CTNNA3: variants seen among roughly 807,000 people sequenced by gnomAD.
CTNNA3 encodes the protein catenin alpha-3.
A neutral mutation model predicts 95.7 loss-of-function variants in CTNNA3; 76 were observed. The observed-to-expected ratio is 0.79, with a 90% CI of 0.66 to 0.96. CTNNA3 has a LOEUF of 0.96. CTNNA3 is among the 40% of genes least tolerant of loss of function. The pLI, the probability that CTNNA3 is intolerant of heterozygous loss-of-function variation, is 0.00. For missense variants in CTNNA3, 1,191 were observed against 1,089.8 expected, an observed-to-expected ratio of 1.09 and a Z score of -1.31; for synonymous variants, 431 against 374.4, an observed-to-expected ratio of 1.15 and a Z score of -1.74.
intron 7 of CTNNA3, among the ~76,000 whole-genome samples, chr10:67,117,166 A>G (rs987638819): frequency 2.0e-5 from 3 of 151,856 alleles, no homozygotes; most frequent in Non-Finnish European, 4.4e-5. Context: ...ACCTTCAGCA[A>G]TGTCAGCTCA....
At chr10:67,564,670 T>TCTGA (rs1488614194) in intron 3 of CTNNA3, among the ~76,000 whole-genome samples, 1 of 84,276 alleles carries the variant, frequency 1.2e-5, no homozygotes, top group African/African-American at 6.0e-5. Flanking sequence ...TATATGTGTG[T>TCTGA]GTGTGTGTAT....
intron 3 of CTNNA3, among the ~76,000 whole-genome samples, chr10:67,541,024 C>A (rs1421776847): frequency 6.6e-6 from 1 of 151,760 alleles, no homozygotes; most frequent in Non-Finnish European, 1.5e-5. Flanking sequence ...AGTTATATTT[C>A]ATTGATACAC....
rs143511637 is a variant in CTNNA3 at position 66,012,844 on chromosome 10, C to T, written c.2160-24047G>A. Among the ~76,000 whole-genome samples the T allele has an allele frequency of 3.3e-5, 5 of 152,258 alleles. No homozygotes were observed. The East Asian group carries it at 9.7e-4, about 29-fold the overall frequency. ...CTATCAGCTATTTCTTTAAATTCAACAAAAATCTGCTGAATTCCTCAAATT... is the reference window on the plus strand; with the variant it reads ...CTATCAGCTATTTCTTTAAATTCAATAAAAATCTGCTGAATTCCTCAAATT... On this transcript the variant is annotated intron_variant, in intron 15 of 17. Coordinates refer to ENST00000433211, the MANE Select transcript of CTNNA3 (RefSeq NM_013266.4).
chr10:67,411,858 C>G (rs1327840808), intron 5 of CTNNA3, among the ~76,000 whole-genome samples: 1 of 152,050 alleles, frequency 6.6e-6, no homozygotes, highest in Non-Finnish European at 1.5e-5. Flanking sequence ...ATATTTCTGT[C>G]TTGCATTTAA....
rs542483264 is a variant in CTNNA3, at chr10:66,642,593, T to C, written c.1282-20809A>G. ...GTTTACCAGAGCTTTACTATTCCCT[T>C]GGCTAGAAATATTTCCAAACAAGGT... On this transcript the variant is annotated intron_variant, in intron 9 of 17. Transcript: ENST00000433211. Among the ~76,000 whole-genome samples the C allele has an allele frequency of 2.6e-5, 4 of 152,248 alleles. No individual in the cohort carries two copies. The South Asian group carries it at 8.3e-4, about 32-fold the overall frequency.
intron 11 of CTNNA3, among the ~76,000 whole-genome samples, chr10:66,480,866 G>A (rs952135995): frequency 1.3e-5 from 2 of 152,082 alleles, no homozygotes; most frequent in African/African-American, 4.8e-5. Flanking sequence ...GCCTCCCAAA[G>A]TGCTGGGATT....
Position 66,832,250 on chromosome 10 carries a change from T to C in CTNNA3, c.1048-56726A>G, listed in dbSNP as rs552428147. Among the ~76,000 whole-genome samples, 24 of 152,332 alleles carry C rather than the reference T, an allele frequency of 1.6e-4. No homozygotes were observed. In the East Asian group the frequency reaches 3.5e-3, roughly 22 times the overall value. ...TCTTACAAAGAGAGGTCTGAGACCC[T>C]GTATATATCTATAAGCAGTAGACAG... is the stretch of plus-strand genomic sequence containing the variant. On this transcript the variant is annotated intron_variant, in intron 7 of 17. Coordinates refer to ENST00000433211, the MANE Select transcript of CTNNA3 (RefSeq NM_013266.4).
chr10:66,032,507 G>T (rs990765320), intron 15 of CTNNA3, among the ~76,000 whole-genome samples: 1 of 152,016 alleles, frequency 6.6e-6, no homozygotes, highest in East Asian at 1.9e-4. Context: ...TTGAAGCTAC[G>T]GTCTCCTTAA....
At chr10:66,089,959 T>A (rs1393748686) in intron 14 of CTNNA3, among the ~76,000 whole-genome samples, 1 of 152,024 alleles carries the variant, frequency 6.6e-6, no homozygotes, top group African/African-American at 2.4e-5. Flanking sequence ...CACCATTTTA[T>A]ATTATTTTAG....
intron 9 of CTNNA3, among the ~76,000 whole-genome samples, chr10:66,643,974 T>C (rs1034457546): frequency 2.0e-5 from 3 of 152,056 alleles, no homozygotes; most frequent in Non-Finnish European, 4.4e-5. Flanking sequence ...GCTGACAAAA[T>C]AGGCCAGGCA....
At chr10:66,266,108 G>A (rs2091146035) in intron 13 of CTNNA3, among the ~76,000 whole-genome samples, 1 of 136,334 alleles carries the variant, frequency 7.3e-6, no homozygotes, top group Non-Finnish European at 1.5e-5. Flanking sequence ...AGAGAGGGAG[G>A]AAGGAAGGAA....
At chr10:67,037,368 TAA>T (rs1252201779) in intron 7 of CTNNA3, among the ~76,000 whole-genome samples, 1 of 107,546 alleles carries the variant, frequency 9.3e-6, no homozygotes, top group Non-Finnish European at 2.0e-5. Flanking sequence ...AATGGAAATC[TAA>T]AAAAAAAAAA....
intron 13 of CTNNA3, among the ~76,000 whole-genome samples, chr10:66,114,475 T>C (rs1243699314): frequency 6.7e-6 from 1 of 150,168 alleles, no homozygotes; most frequent in Non-Finnish European, 1.5e-5. Flanking sequence ...TATGTGCGTA[T>C]ATGTATATAT....
intron 12 of CTNNA3, among the ~76,000 whole-genome samples, chr10:66,324,059 C>T (rs534787691): frequency 5.3e-5 from 8 of 152,012 alleles, no homozygotes; most frequent in Admixed American, 1.3e-4. Flanking sequence ...AACTCACATT[C>T]GCTTGAATTC....
At chr10:66,442,171 T>C (rs1272854279) in intron 11 of CTNNA3, among the ~76,000 whole-genome samples, 1 of 152,160 alleles carries the variant, frequency 6.6e-6, no homozygotes, top group Non-Finnish European at 1.5e-5. Flanking sequence ...TTACAGTATA[T>C]TAGTTATTAT....
At chr10:66,905,289 A>G (rs936455039) in intron 7 of CTNNA3, among the ~76,000 whole-genome samples, 1 of 152,138 alleles carries the variant, frequency 6.6e-6, no homozygotes, top group African/African-American at 2.4e-5. Context: ...CAAACACCAC[A>G]TGTTCTCACT....
At chr10:66,535,285 A>G (rs1040663212) in intron 10 of CTNNA3, among the ~76,000 whole-genome samples, 2 of 152,194 alleles carry the variant, frequency 1.3e-5, no homozygotes, top group Non-Finnish European at 2.9e-5. Context: ...CAGATCTGCA[A>G]TTTGTAATTT....
At chr10:67,242,806 A>G (rs1865765254) in intron 5 of CTNNA3, among the ~76,000 whole-genome samples, 1 of 152,220 alleles carries the variant, frequency 6.6e-6, no homozygotes, top group African/African-American at 2.4e-5. Context: ...CCTCATTTTA[A>G]TGGAAATAGC....
At chr10:67,752,898 A>ATTTTT (rs1841414696) in intron 1 of CTNNA3, among the ~76,000 whole-genome samples, 1 of 152,192 alleles carries the variant, frequency 6.6e-6, no homozygotes, top group Non-Finnish European at 1.5e-5. Flanking sequence ...CATACTACCC[A>ATTTTT]AAGTAATTTA....
Sources: gnomAD v4.1 joint callset for allele counts (sites outside exome capture counted in the v4.1 genomes callset) on GRCh38, gnomAD v4.1.1 for gene constraint, MANE v1.5 for transcripts, NCBI Gene and HGNC (gene_info 2026-07-23, HGNC 2026-07-21) for gene names.